The following ALG5 variants were observed in gnomAD, a reference collection of about 807,000 sequenced individuals.
ALG5 encodes ALG5 dolichyl-phosphate beta-glucosyltransferase.
In ALG5, 26 loss-of-function variants were observed where a neutral mutation model predicts 51.8. The ratio of observed to expected loss-of-function variants is 0.50; its 90% confidence interval spans 0.37 to 0.70. The LOEUF (loss-of-function observed/expected upper bound fraction) is 0.70, where lower values mean the gene tolerates loss of function less well. Among genes scored for constraint, ALG5 ranks in the 30% least tolerant of loss-of-function variants. ALG5 has a pLI of 0.00. For synonymous variants in ALG5, 141 were observed against 136.1 expected (o/e 1.04, Z -0.25); for missense variants, 311 against 399.3 (o/e 0.78, Z 1.88).
intron 6 of ALG5, among the ~76,000 whole-genome samples, chr13:36,974,619 G>A (rs987830669): frequency 3.3e-5 from 5 of 151,462 alleles, no homozygotes; most frequent in African/African-American, 9.7e-5. Context: ...TCAAACATAC[G>A]CAAAACTAGA....
chr13:36,996,699 G>C (rs2059052429), intron 1 of ALG5, among the ~76,000 whole-genome samples: 1 of 152,172 alleles, frequency 6.6e-6, no homozygotes, highest in Admixed American at 6.5e-5. Context: ...TTTGCCTTTT[G>C]CGTTTTATAT....
intron 4 of ALG5, among the ~76,000 whole-genome samples, chr13:36,989,875 C>A (rs1458249275): frequency 6.6e-6 from 1 of 152,098 alleles, no homozygotes; most frequent in African/African-American, 2.4e-5. Flanking sequence ...ACAACAACAA[C>A]AACAAAAAAC....
chr13:36,973,963 C>A (rs1042986400), intron 6 of ALG5, among the ~76,000 whole-genome samples: 1 of 152,180 alleles, frequency 6.6e-6, no homozygotes, highest in Non-Finnish European at 1.5e-5. Flanking sequence ...TAACCTGACC[C>A]AGCAATTCCA....
intron 2 of ALG5, 116 bp from the exon 3 acceptor site, chr13:36,995,151 C>A: frequency 2.2e-6 from 2 of 903,130 alleles, no homozygotes; most frequent in Non-Finnish European, 1.7e-6. Flanking sequence ...CTGGTACTTT[C>A]CCAATGGTCA....
rs189783560 is a variant in ALG5, at chr13:36,954,118, A to G, written c.774-1519T>C. 9.4e-4 allele frequency among the ~76,000 whole-genome samples: 143 copies of G among 151,780 alleles called. 1 individual carries two copies. The highest frequency in any genetic ancestry group is 3.4e-3 in the African/African-American group (139 of 41,394). ...TTCGGTTTGTTTTAAACAGGGTCTT[A>G]CTCTGTCATCCAGGCTGGAATGCAG... On this transcript the variant is annotated intron_variant, in intron 8 of 9. Coordinates refer to ENST00000239891, the MANE Select transcript of ALG5 (RefSeq NM_013338.5).
intron 1 of ALG5, among the ~76,000 whole-genome samples, chr13:36,996,362 C>T (rs1195330469): frequency 6.6e-6 from 1 of 152,146 alleles, no homozygotes; most frequent in African/African-American, 2.4e-5. Context: ...AAGACATTAT[C>T]AAATTGTCAT....
intron 8 of ALG5, among the ~76,000 whole-genome samples, chr13:36,955,129 G>A (rs1267795317): frequency 6.6e-6 from 1 of 152,122 alleles, no homozygotes; most frequent in Non-Finnish European, 1.5e-5. Flanking sequence ...TGTTGGTTCT[G>A]TGAATGCTAA....
intron 8 of ALG5, among the ~76,000 whole-genome samples, chr13:36,958,917 C>A (rs2058852899): frequency 6.6e-6 from 1 of 152,140 alleles, no homozygotes; most frequent in East Asian, 1.9e-4. Context: ...AAGTGGCAAC[C>A]CCCTTTGGGT....
At chr13:36,977,571 C>T (rs1012267233) in intron 6 of ALG5, among the ~76,000 whole-genome samples, 4 of 151,754 alleles carry the variant, frequency 2.6e-5, no homozygotes, top group Non-Finnish European at 2.9e-5. Context: ...GCAGGGGAAT[C>T]GCTTGAGGCC....
At chr13:36,970,693 A>G (rs1177432253) in intron 7 of ALG5, among the ~76,000 whole-genome samples, 1 of 152,186 alleles carries the variant, frequency 6.6e-6, no homozygotes, top group Non-Finnish European at 1.5e-5. Context: ...CAGGTGGATC[A>G]CCTAAGGTCA....
intron 8 of ALG5, among the ~76,000 whole-genome samples, chr13:36,961,066 T>C (rs867217094): frequency 1.3e-5 from 2 of 151,984 alleles, no homozygotes; most frequent in Non-Finnish European, 2.9e-5. Flanking sequence ...CAACCAATCA[T>C]GGACTGAAAA....
At chr13:36,970,637 G>A (rs1566061010) in intron 7 of ALG5, among the ~76,000 whole-genome samples, 1 of 151,648 alleles carries the variant, frequency 6.6e-6, no homozygotes, top group Non-Finnish European at 1.5e-5. Context: ...AGAAGGCCGG[G>A]CGTGGTGGCT....
chr13:36,999,270 G>A lies in ALG5; in HGVS notation c.31C>T (p.Leu11Phe). The change falls in exon 1 of 10, where the codon CTC (leucine) becomes TTC (phenylalanine). Residue 11 changes from leucine to phenylalanine, a missense_variant. Coordinates refer to ENST00000239891, the MANE Select transcript of ALG5 (RefSeq NM_013338.5). ...GCTGCGGCCGCCAGCGCCGCGCCGA[G>A]CACCGCCAGCTGCAACAGAAGCGGA... Reference protein sequence around the residue: MAPLLLQLAVLGAALAAAALV... With the variant: MAPLLLQLAVFGAALAAAALV... 6.3e-7 allele frequency: 1 copy of A among 1,580,552 alleles called. No homozygotes were observed.
intron 5 of ALG5, 87 bp from the exon 6 acceptor site, chr13:36,985,827 C>A: frequency 1.2e-6 from 1 of 823,830 alleles, no homozygotes; most frequent in Admixed American, 2.8e-5. Context: ...CTTAAAATAC[C>A]TAAGAGTGAA....
chr13:36,990,344 C>T (rs1430971811), intron 4 of ALG5, among the ~76,000 whole-genome samples: 1 of 152,180 alleles, frequency 6.6e-6, no homozygotes, highest in Admixed American at 6.5e-5. Context: ...CATCAGGTAC[C>T]CTCTCCTTTG....
chr13:36,983,820 T>A (rs924691830), intron 6 of ALG5, among the ~76,000 whole-genome samples: 3 of 151,290 alleles, frequency 2.0e-5, no homozygotes, highest in Non-Finnish European at 4.4e-5. Context: ...ATACAAGGGA[T>A]GGGGATGGAT....
intron 1 of ALG5, among the ~76,000 whole-genome samples, chr13:36,996,706 A>C (rs1190393506): frequency 6.6e-6 from 1 of 152,214 alleles, no homozygotes; most frequent in Non-Finnish European, 1.5e-5. Context: ...TTTGCGTTTT[A>C]TATGTATGAA....
chr13:36,981,866 A>T (rs1593677998), intron 6 of ALG5, among the ~76,000 whole-genome samples: 1 of 152,186 alleles, frequency 6.6e-6, no homozygotes, highest in Non-Finnish European at 1.5e-5. Context: ...TGGCTGGTGG[A>T]TCACGAAGTC....
rs1036610213 is a variant in ALG5, at chr13:36,994,474, T to C, written c.285+515A>G. Among the ~76,000 whole-genome samples, 9 of 152,104 alleles carry C rather than the reference T, an allele frequency of 5.9e-5. 1 individual carries two copies. The highest frequency in any genetic ancestry group is 1.3e-4 in the Admixed American group (2 of 15,282). Reference sequence around the variant, plus strand: ...ATGTGAGGGGAGACTCTTGAGAATATTGAAGAAATACAAAATAATTTCAAT... The same window carrying C: ...ATGTGAGGGGAGACTCTTGAGAATACTGAAGAAATACAAAATAATTTCAAT... On this transcript the variant is annotated intron_variant, in intron 3 of 9. Coordinates refer to ENST00000239891, the MANE Select transcript of ALG5 (RefSeq NM_013338.5).
Sources: gnomAD v4.1 joint callset for allele counts (sites outside exome capture counted in the v4.1 genomes callset) on GRCh38, gnomAD v4.1.1 for gene constraint, MANE v1.5 for transcripts, NCBI Gene and HGNC (gene_info 2026-07-23, HGNC 2026-07-21) for gene names.